The following ZNF469 variants were observed in gnomAD, a reference collection of about 807,000 sequenced individuals.
ZNF469 encodes the protein zinc finger protein 469.
A neutral mutation model predicts 1.0 loss-of-function variants in ZNF469; 1 was observed. The observed-to-expected ratio is 1.00, with a 90% CI of 0.35 to 4.73. The LOEUF is 4.73. ZNF469 is among the 30% of genes most tolerant of loss of function. The pLI, the probability that ZNF469 is intolerant of heterozygous loss-of-function variation, is 0.16. For missense variants in ZNF469, 6,100 were observed against 5,356.3 expected (o/e 1.14, Z -4.33); for synonymous variants, 2,703 against 2,363.4 (o/e 1.14, Z -4.17).
the ZNF469 span, among the ~76,000 whole-genome samples, chr16:88,362,618 T>A: frequency 2.0e-3 from 300 of 152,324 alleles, 1 homozygote; most frequent in African/African-American, 7.0e-3. Context: ...TTCGTGGTAA[T>A]TTGGATCATT....
chr16:88,202,275 C>T, the ZNF469 span, among the ~76,000 whole-genome samples: 16 of 152,232 alleles, frequency 1.1e-4, no homozygotes, highest in African/African-American at 3.6e-4. Context: ...GCATTTTCCA[C>T]ATACAGAAGT....
chr16:88,215,956 T>A, the ZNF469 span, among the ~76,000 whole-genome samples: 1 of 152,220 alleles, frequency 6.6e-6, no homozygotes, highest in African/African-American at 2.4e-5. Flanking sequence ...TCCTTCATAT[T>A]TGTCCACAGA....
the ZNF469 span, among the ~76,000 whole-genome samples, chr16:88,143,563 C>G: frequency 2.0e-5 from 3 of 151,888 alleles, no homozygotes; most frequent in East Asian, 5.8e-4. Context: ...CATGGCCATG[C>G]GTCTCCCTGC....
chr16:88,162,013 C>T, the ZNF469 span, among the ~76,000 whole-genome samples: 2 of 152,144 alleles, frequency 1.3e-5, no homozygotes, highest in Admixed American at 1.3e-4. Context: ...ATAGAGACAA[C>T]TTTTTGGAAG....
chr16:88,128,300 G>C, the ZNF469 span, among the ~76,000 whole-genome samples: 1 of 152,152 alleles, frequency 6.6e-6, no homozygotes, highest in South Asian at 2.1e-4. Context: ...GGGTAACTTG[G>C]GGCACAGGCT....
At chr16:88,181,038 A>G in the ZNF469 span, among the ~76,000 whole-genome samples, 7,862 of 151,960 alleles carry the variant, frequency 0.052, 314 homozygotes, top group East Asian at 0.092. Flanking sequence ...TTTGACATTT[A>G]TTAAGCAATA....
the ZNF469 span, among the ~76,000 whole-genome samples, chr16:88,222,900 A>G: frequency 6.6e-6 from 1 of 152,188 alleles, no homozygotes; most frequent in African/African-American, 2.4e-5. Flanking sequence ...CACTCATCCC[A>G]AAGGATTATT....
the ZNF469 span, among the ~76,000 whole-genome samples, chr16:88,221,976 T>C: frequency 5.3e-5 from 8 of 152,252 alleles, no homozygotes; most frequent in African/African-American, 1.7e-4. Flanking sequence ...AAGACCCTTT[T>C]TCCAGATGAG....
chr16:88,276,141 C>A, the ZNF469 span, among the ~76,000 whole-genome samples: 4 of 152,168 alleles, frequency 2.6e-5, no homozygotes, highest in Admixed American at 2.6e-4. Flanking sequence ...TAGATGCCAT[C>A]CTGGGGGTGG....
chr16:88,332,720 G>T, the ZNF469 span, among the ~76,000 whole-genome samples: 1 of 152,174 alleles, frequency 6.6e-6, no homozygotes, highest in Non-Finnish European at 1.5e-5. Context: ...GATGGGGGAG[G>T]GGGGGCTGCT....
the ZNF469 span, among the ~76,000 whole-genome samples, chr16:88,196,816 A>G: frequency 0.83 from 127,037 of 152,224 alleles, 53,326 homozygotes; most frequent in Middle Eastern, 0.9. Context: ...GAGACTGAGC[A>G]CTGTTTTGTC....
At chr16:88,168,174 T>C in the ZNF469 span, among the ~76,000 whole-genome samples, 2 of 152,214 alleles carry the variant, frequency 1.3e-5, no homozygotes, top group African/African-American at 2.4e-5. The surrounding 1 kb of genome is among the most constrained non-coding windows in gnomAD (Gnocchi z 4.3). Flanking sequence ...ATCTCTCTAG[T>C]TTTGAGCCAA....
chr16:88,257,163 C>T, the ZNF469 span, among the ~76,000 whole-genome samples: 31 of 147,898 alleles, frequency 2.1e-4, no homozygotes, highest in Non-Finnish European at 3.0e-5. Context: ...AGGGTTTTGC[C>T]ATGTTGGCCA....
chr16:88,221,528 C>G, the ZNF469 span, among the ~76,000 whole-genome samples: 2 of 152,216 alleles, frequency 1.3e-5, no homozygotes, highest in Non-Finnish European at 2.9e-5. Context: ...TGAGCGCTTC[C>G]TCCAGACTGT....
the ZNF469 span, among the ~76,000 whole-genome samples, chr16:88,118,527 A>G: frequency 6.6e-6 from 1 of 152,088 alleles, no homozygotes; most frequent in Admixed American, 6.5e-5. Flanking sequence ...GTGTCAGCTC[A>G]CCTGTCACCT....
chr16:88,113,526 G>A, the ZNF469 span, among the ~76,000 whole-genome samples: 10 of 152,202 alleles, frequency 6.6e-5, no homozygotes, highest in Non-Finnish European at 1.2e-4. Context: ...GACGCAGGAC[G>A]TGAGGACCTG....
At chr16:88,334,002 CTATGTGTT>C in the ZNF469 span, among the ~76,000 whole-genome samples, 1 of 145,360 alleles carries the variant, frequency 6.9e-6, no homozygotes, top group Non-Finnish European at 1.5e-5. Flanking sequence ...GTGTCTGTGT[CTATGTGTT>C]TGTGTGTGTG....
At chr16:88,404,257 C>G (rs1202468651) in intron 1 of ZNF469, among the ~76,000 whole-genome samples, 1 of 152,228 alleles carries the variant, frequency 6.6e-6, no homozygotes, top group Non-Finnish European at 1.5e-5. Flanking sequence ...CATGCTTATT[C>G]TTGCTGTGCT....
chr16:88,387,662 T>C (rs1904373917), intron 1 of ZNF469, among the ~76,000 whole-genome samples: 1 of 151,968 alleles, frequency 6.6e-6, no homozygotes, highest in South Asian at 2.1e-4. Flanking sequence ...GGGAGGAGAA[T>C]TCCAAATATA....
Sources: allele counts gnomAD v4.1 joint callset (sites outside exome capture counted in the v4.1 genomes callset), GRCh38; gene constraint gnomAD v4.1.1; non-coding constraint Gnocchi (gnomAD v3.1); transcripts MANE v1.5; gene names NCBI Gene and HGNC (gene_info 2026-07-23, HGNC 2026-07-21).